PPP2R5C: variants seen among roughly 807,000 people sequenced by gnomAD.
The protein encoded by PPP2R5C is serine/threonine-protein phosphatase 2A 56 kDa regulatory subunit gamma isoform.
Under a neutral mutation model 68.9 loss-of-function variants are expected in PPP2R5C, and 7 were observed. That is an observed-to-expected ratio of 0.10 (90% confidence interval 0.06 to 0.19). PPP2R5C has a LOEUF of 0.19. PPP2R5C is among the 10% of genes least tolerant of loss of function. The pLI is 1.00. For missense variants in PPP2R5C, 348 were observed against 641.3 expected (o/e 0.54, Z 4.94); for synonymous variants, 210 against 222.2 (o/e 0.95, Z 0.49).
chr14:101,797,222 T>C lies in PPP2R5C; in HGVS notation c.259+11039T>C, dbSNP rs1281716221. The C allele has an allele frequency of 1.1e-5, 5 of 455,940 alleles. No homozygotes were observed. Among genetic ancestry groups the C allele is most frequent in the South Asian group, 3.1e-5 (2 of 64,564 alleles). The allele number at this position is 455,940 out of a possible 1,614,324, so 28.2% of individuals were successfully genotyped here. On this transcript the variant is annotated intron_variant, in intron 3 of 14. Transcript: ENST00000328724. This position sits in a 1 kb window ranked among gnomAD's most constrained non-coding sequence, Gnocchi z 4.2. ...ATAATATCTTCCAGGTCCCCCCACATTGTAGCACGTGCCAGACCCTCGCTC... is the reference window on the plus strand; with the variant it reads ...ATAATATCTTCCAGGTCCCCCCACACTGTAGCACGTGCCAGACCCTCGCTC...
chr14:101,842,301 C>G (rs1021084684), intron 1 of PPP2R5C, among the ~76,000 whole-genome samples: 1 of 152,150 alleles, frequency 6.6e-6, no homozygotes, highest in Non-Finnish European at 1.5e-5. Flanking sequence ...AGAAAGCGAT[C>G]GAAAGCCAAG....
intron 9 of PPP2R5C, among the ~76,000 whole-genome samples, chr14:101,905,479 CA>C (rs1471716207): frequency 6.6e-6 from 1 of 151,928 alleles, no homozygotes. Flanking sequence ...ACCAACATGG[CA>C]AAACCCTGTC....
chr14:101,864,294 A>G (rs936177948), intron 2 of PPP2R5C, among the ~76,000 whole-genome samples: 1 of 152,208 alleles, frequency 6.6e-6, no homozygotes, highest in African/African-American at 2.4e-5. Flanking sequence ...AGTACTTCGC[A>G]TTAGAGTGGA....
chr14:101,819,022 A>T (rs1258963505), intron 1 of PPP2R5C: 5 of 1,551,384 alleles, frequency 3.2e-6, no homozygotes, highest in African/African-American at 1.4e-5. Context: ...CTCAAGCCCT[A>T]AAGTACCACC....
intron 1 of PPP2R5C, among the ~76,000 whole-genome samples, chr14:101,830,293 C>A (rs1282755831): frequency 6.6e-6 from 1 of 152,194 alleles, no homozygotes; most frequent in Non-Finnish European, 1.5e-5. Context: ...CTTTGATTAT[C>A]ACAAGTAGAA....
chr14:101,762,726 TG>T (rs1232962998), intron 1 of PPP2R5C, among the ~76,000 whole-genome samples, 178 bp from the exon 2 acceptor site: 1 of 151,536 alleles, frequency 6.6e-6, no homozygotes, highest in Admixed American at 6.6e-5. Flanking sequence ...GAATGGGGGT[TG>T]GGGGGCATTG....
chr14:101,826,999 G>A lies in PPP2R5C; in HGVS notation c.94+16963G>A, dbSNP rs1276242970. ...TTTTTTTTTTTTTTTTTTTTGAGAC[G>A]GAGTCTTGCTCTGTCGCCCAGGCTG... is the stretch of plus-strand genomic sequence containing the variant. On this transcript the variant is annotated intron_variant, in intron 1 of 13. Coordinates refer to ENST00000334743, the Ensembl canonical transcript of PPP2R5C. Among the ~76,000 whole-genome samples the A allele has an allele frequency of 3.7e-4, 47 of 128,652 alleles. No individual in the cohort carries two copies. In the South Asian group the frequency reaches 7.2e-3, roughly 20 times the overall value. The allele number at this position is 128,652 out of a possible 152,430, so 84.4% of individuals were successfully genotyped here.
chr14:101,871,433 G>T (rs2043407735), intron 2 of PPP2R5C, among the ~76,000 whole-genome samples: 1 of 152,002 alleles, frequency 6.6e-6, no homozygotes, highest in African/African-American at 2.4e-5. Flanking sequence ...AGCAGAGACG[G>T]GGTTTCTCAC....
At chr14:101,799,465 C>T (rs1025932474) in intron 3 of PPP2R5C, among the ~76,000 whole-genome samples, 4 of 151,420 alleles carry the variant, frequency 2.6e-5, no homozygotes, top group African/African-American at 9.7e-5. Context: ...AAAGGACCAG[C>T]GGGGATTTAT....
At chr14:101,828,064 C>G (rs2040506183) in intron 1 of PPP2R5C, among the ~76,000 whole-genome samples, 1 of 152,160 alleles carries the variant, frequency 6.6e-6, no homozygotes, top group African/African-American at 2.4e-5. Context: ...TCTACAATTT[C>G]AGTTTAGACC....
intron 3 of PPP2R5C, among the ~76,000 whole-genome samples, chr14:101,794,126 C>G (rs1212108836): frequency 1.3e-5 from 2 of 152,184 alleles, no homozygotes; most frequent in Admixed American, 6.5e-5. Flanking sequence ...GACCAAGGTT[C>G]CAGGCTTTTC....
chr14:101,810,608 G>C (rs545200326), intron 1 of PPP2R5C, among the ~76,000 whole-genome samples: 2 of 152,294 alleles, frequency 1.3e-5, no homozygotes, highest in South Asian at 4.1e-4. Flanking sequence ...TCTATCGTGG[G>C]TCATCATTTT....
chr14:101,822,413 T>A (rs2040141093), intron 1 of PPP2R5C, among the ~76,000 whole-genome samples: 1 of 152,184 alleles, frequency 6.6e-6, no homozygotes, highest in Non-Finnish European at 1.5e-5. Flanking sequence ...TAAATGACTA[T>A]CCAATGGGTA....
intron 1 of PPP2R5C, 77 bp downstream of exon 1, chr14:101,761,997 T>C: frequency 8.7e-7 from 1 of 1,146,038 alleles, no homozygotes; most frequent in East Asian, 4.1e-5. Context: ...ACCGGGGTCC[T>C]GCGCCCGGGC....
At chr14:101,889,938 G>C in intron 5 of PPP2R5C, 2 of 520,560 alleles carry the variant, frequency 3.8e-6, no homozygotes, top group South Asian at 3.1e-5. Context: ...CGAATCTGGT[G>C]GTTGAAATGG....
At chr14:101,881,069 T>C (rs988179958) in intron 2 of PPP2R5C, among the ~76,000 whole-genome samples, 3 of 152,036 alleles carry the variant, frequency 2.0e-5, no homozygotes, top group African/African-American at 7.3e-5. Flanking sequence ...AGAGATTCAA[T>C]AAGGTAACCA....
At chr14:101,819,457 G>T (rs535929825) in intron 1 of PPP2R5C, 5 of 189,010 alleles carry the variant, frequency 2.6e-5, no homozygotes, top group Non-Finnish European at 4.4e-5. Context: ...CAGGACAGCG[G>T]TGTTCAGCTA....
chr14:101,769,196 G>A (rs2037022286), intron 2 of PPP2R5C, among the ~76,000 whole-genome samples: 1 of 152,152 alleles, frequency 6.6e-6, no homozygotes, highest in South Asian at 2.1e-4. Context: ...TCACCATCTT[G>A]GACTGTGTGT....
chr14:101,848,787 C>T (rs892846552), intron 1 of PPP2R5C, among the ~76,000 whole-genome samples: 2 of 152,160 alleles, frequency 1.3e-5, no homozygotes, highest in South Asian at 2.1e-4. Flanking sequence ...AGGAGACTCA[C>T]GTCTCACTAG....
Sources: gnomAD v4.1 joint callset for allele counts (sites outside exome capture counted in the v4.1 genomes callset) on GRCh38, gnomAD v4.1.1 for gene constraint, Gnocchi (gnomAD v3.1) non-coding constraint, MANE v1.5 for transcripts, NCBI Gene and HGNC (gene_info 2026-07-23, HGNC 2026-07-21) for gene names.